SEL1L2: variants seen among roughly 807,000 people sequenced by gnomAD.
SEL1L2 encodes protein sel-1 homolog 2.
Under a neutral mutation model 98.8 loss-of-function variants are expected in SEL1L2, and 89 were observed. That is an observed-to-expected ratio of 0.90 (90% confidence interval 0.76 to 1.07). SEL1L2 has a LOEUF of 1.07. SEL1L2 is among the 50% of genes least tolerant of loss of function. The probability of loss-of-function intolerance (pLI) is 0.00; values close to 1 mark genes in which losing one functional copy is unlikely to be tolerated. For missense variants in SEL1L2, 788 were observed against 812.0 expected (o/e 0.97, Z 0.36); for synonymous variants, 262 against 278.5 (o/e 0.94, Z 0.59).
intron 5 of SEL1L2, among the ~76,000 whole-genome samples, chr20:13,892,852 T>C (rs1165260563): frequency 1.3e-5 from 2 of 152,286 alleles, no homozygotes; most frequent in African/African-American, 2.4e-5. Flanking sequence ...ATTCCATGTG[T>C]CAAATTATGC....
intron 10 of SEL1L2, among the ~76,000 whole-genome samples, chr20:13,881,730 A>G (rs896177399): frequency 1.3e-5 from 2 of 152,216 alleles, no homozygotes; most frequent in African/African-American, 4.8e-5. Context: ...CAAGCTAGTC[A>G]TTTCCAGGTA....
chr20:13,987,944 T>C (rs2052317389), intron 1 of SEL1L2, among the ~76,000 whole-genome samples: 1 of 152,244 alleles, frequency 6.6e-6, no homozygotes, highest in Non-Finnish European at 1.5e-5. Flanking sequence ...TTCAGTTTCT[T>C]GAAGATATCC....
chr20:13,922,211 G>C (rs1177322797), intron 3 of SEL1L2, among the ~76,000 whole-genome samples: 2 of 152,132 alleles, frequency 1.3e-5, no homozygotes, highest in African/African-American at 4.8e-5. Context: ...TTGCTGAAAA[G>C]AGATTTTCTT....
chr20:13,934,274 C>T (rs1160088243), intron 2 of SEL1L2, among the ~76,000 whole-genome samples: 23 of 131,538 alleles, frequency 1.7e-4, no homozygotes, highest in African/African-American at 6.3e-4. Flanking sequence ...CCAGTCCCAT[C>T]CAAGTTGCTT....
chr20:13,921,330 C>T (rs866492235), intron 3 of SEL1L2, among the ~76,000 whole-genome samples: 12 of 152,280 alleles, frequency 7.9e-5, no homozygotes, highest in South Asian at 2.1e-4. Flanking sequence ...TGCCACCACG[C>T]CCAGCTAATT....
chr20:13,868,122 T>C (rs1361768186), intron 14 of SEL1L2, among the ~76,000 whole-genome samples: 1 of 152,016 alleles, frequency 6.6e-6, no homozygotes, highest in African/African-American at 2.4e-5. Flanking sequence ...CTACCTTTGC[T>C]CACAGAAGTC....
upstream of SEL1L2, among the ~76,000 whole-genome samples, chr20:13,991,265 T>C (rs2148596496): frequency 6.6e-6 from 1 of 152,316 alleles, no homozygotes; most frequent in Non-Finnish European, 1.5e-5. Flanking sequence ...ATATCCAACT[T>C]TTACAGTCTG....
chr20:13,966,293 C>CTCTTCT (rs11468038), intron 1 of SEL1L2, among the ~76,000 whole-genome samples: 1 of 151,434 alleles, frequency 6.6e-6, no homozygotes, highest in Admixed American at 6.6e-5. Context: ...TCCTTCTTGC[C>CTCTTCT]TCTTCTTCTT....
At chr20:13,911,888 C>T (rs1278846652) in intron 5 of SEL1L2, among the ~76,000 whole-genome samples, 1 of 151,994 alleles carries the variant, frequency 6.6e-6, no homozygotes, top group Non-Finnish European at 1.5e-5. Flanking sequence ...CCAATATCTC[C>T]CTAATCCCTA....
intron 5 of SEL1L2, among the ~76,000 whole-genome samples, chr20:13,906,012 T>C (rs1462433636): frequency 6.6e-6 from 1 of 151,870 alleles, no homozygotes; most frequent in African/African-American, 2.4e-5. Flanking sequence ...GTGGCTGGGA[T>C]TACAAGCATG....
intron 1 of SEL1L2, among the ~76,000 whole-genome samples, chr20:13,967,814 A>G (rs1753561668): frequency 6.6e-6 from 1 of 152,204 alleles, no homozygotes; most frequent in Non-Finnish European, 1.5e-5. Flanking sequence ...CATCTCAGTC[A>G]TATAATAATT....
chr20:13,906,065 G>A (rs1267609026), intron 5 of SEL1L2, among the ~76,000 whole-genome samples: 4 of 151,710 alleles, frequency 2.6e-5, no homozygotes, highest in East Asian at 1.9e-4. Context: ...TAGTTGAGAC[G>A]GGGTTTCACT....
At chr20:13,931,871 A>G (rs2049160929) in intron 2 of SEL1L2, 100 bp from the exon 3 acceptor site, 1 of 973,196 alleles carries the variant, frequency 1.0e-6, no homozygotes, top group Middle Eastern at 3.2e-4. Flanking sequence ...GCAAAAATAC[A>G]AGCTTAATGC....
intron 1 of SEL1L2, among the ~76,000 whole-genome samples, chr20:13,982,953 G>A (rs2148558613): frequency 7.0e-6 from 1 of 142,310 alleles, no homozygotes; most frequent in Admixed American, 7.5e-5. Flanking sequence ...GAACCCAGGA[G>A]GCGGAGGTTG....
intron 4 of SEL1L2, among the ~76,000 whole-genome samples, chr20:13,916,391 T>C (rs1211011015): frequency 2.0e-5 from 3 of 152,296 alleles, no homozygotes; most frequent in Middle Eastern, 3.4e-3. Context: ...CAGATGTAAC[T>C]TGTTTAAGGA....
intron 2 of SEL1L2, among the ~76,000 whole-genome samples, chr20:13,944,386 T>C (rs2049917287): frequency 6.6e-6 from 1 of 151,512 alleles, no homozygotes; most frequent in Non-Finnish European, 1.5e-5. Context: ...TCCAGATGGG[T>C]GAGCTGGTGG....
rs554312028 is a variant in SEL1L2 at position 13,953,171 on chromosome 20, A to T, written c.114+2905T>A. Among the ~76,000 whole-genome samples, 7 of 152,308 alleles carry T rather than the reference A, an allele frequency of 4.6e-5. No homozygotes were observed. The South Asian group carries it at 1.5e-3, about 32-fold the overall frequency. ...GCAAAAGGGTAAAAGTTTTTTTTAC[A>T]GTCGGGCTTTTGGCCTCCCTCTCCC... On this transcript the variant is annotated intron_variant, in intron 2 of 19. Transcript: ENST00000284951.
At chr20:13,986,739 T>A (rs1051734172) in intron 1 of SEL1L2, among the ~76,000 whole-genome samples, 2 of 152,374 alleles carry the variant, frequency 1.3e-5, no homozygotes, top group African/African-American at 4.8e-5. Context: ...TCTGTGTGAA[T>A]ATTATGTTTT....
In SEL1L2 at chr20:13,877,762, G is replaced by A. The variant is rs939329663; in HGVS notation, c.958-174C>T. On this transcript the variant is annotated intron_variant, in intron 10 of 19. Coordinates refer to ENST00000284951, the MANE Select transcript of SEL1L2 (RefSeq NM_025229.2). ...GTTCAAGGCACTATTCCAACCAAAT[G>A]CATTTTCAACCATAACCTGAGGAGT... Among the ~76,000 whole-genome samples the A allele has an allele frequency of 3.3e-5, 5 of 152,304 alleles. 1 individual carries two copies. The highest frequency in any genetic ancestry group is 7.4e-5 in the Non-Finnish European group (5 of 68,026).
Sources: allele counts gnomAD v4.1 joint callset (sites outside exome capture counted in the v4.1 genomes callset), GRCh38; gene constraint gnomAD v4.1.1; transcripts MANE v1.5; gene names NCBI Gene and HGNC (gene_info 2026-07-23, HGNC 2026-07-21).